The following SOX6 variants were observed in gnomAD, a reference collection of about 807,000 sequenced individuals.
SOX6 encodes the protein SRY-box transcription factor 6.
SOX6 carries 11 observed loss-of-function variants against 97.8 expected under a neutral mutation model. The ratio of observed to expected loss-of-function variants is 0.11; its 90% CI spans 0.07 to 0.19. SOX6 has a LOEUF of 0.19. Among genes scored for constraint, SOX6 ranks in the 10% least tolerant of loss-of-function variants. The pLI, the probability that SOX6 is intolerant of heterozygous loss-of-function variation, is 1.00. For missense variants in SOX6, 810 were observed against 1,039.5 expected (o/e 0.78, Z 3.04); for synonymous variants, 360 against 371.4 (o/e 0.97, Z 0.35).
At chr11:16,112,156 C>T (rs1849247422) in intron 6 of SOX6, among the ~76,000 whole-genome samples, 1 of 152,168 alleles carries the variant, frequency 6.6e-6, no homozygotes, top group Admixed American at 6.5e-5. Flanking sequence ...CCTGCTTCCA[C>T]CGAACTGTAG....
intron 3 of SOX6, among the ~76,000 whole-genome samples, chr11:16,248,780 T>C (rs889604123): frequency 6.6e-6 from 1 of 152,144 alleles, no homozygotes; most frequent in African/African-American, 2.4e-5. Flanking sequence ...TCTGGAGACA[T>C]TTTCCCCATT....
At chr11:16,498,836 T>C (rs1207633268) in intron 4 of SOX6, among the ~76,000 whole-genome samples, 1 of 152,040 alleles carries the variant, frequency 6.6e-6, no homozygotes, top group Non-Finnish European at 1.5e-5. Flanking sequence ...ACAAAGAAAC[T>C]TAGACTCCCA....
chr11:16,411,669 T>A (rs934963611), intron 1 of SOX6, among the ~76,000 whole-genome samples: 1 of 152,074 alleles, frequency 6.6e-6, no homozygotes, highest in Non-Finnish European at 1.5e-5. Flanking sequence ...AATGCAGACC[T>A]CCTAAAAGAG....
At position 16,226,006 on chromosome 11, in the gene SOX6, T is replaced by C. The variant is rs966503765; in HGVS notation, c.535+8576A>G. The stretch of plus-strand genomic sequence containing the variant: ...GCTTCCAGTCTTTAACAGTGAACTA[T>C]AATGATAGTATTTAGGTTCTATAAC... On this transcript the variant is annotated intron_variant, in intron 4 of 15. Transcript: ENST00000683767. Among the ~76,000 whole-genome samples the C allele has an allele frequency of 2.0e-5, 3 of 152,312 alleles. No individual in the cohort carries two copies. The East Asian group carries it at 5.8e-4, about 29-fold the overall frequency.
At position 16,354,578 on chromosome 11, in the gene SOX6, A is replaced by G. The variant is rs569258539; in HGVS notation, c.-5+1516T>C. Among the ~76,000 whole-genome samples the G allele has an allele frequency of 4.1e-4, 63 of 152,110 alleles. 1 individual carries two copies. In the South Asian group the frequency reaches 0.013, roughly 31 times the overall value. ...AAAGCCTACAGCATCTGCTGCTGAT[A>G]ACTGTATTCCTAAGGACAATAGAGT... On this transcript the variant is annotated intron_variant, in intron 1 of 15. Transcript: ENST00000683767.
intron 3 of SOX6, among the ~76,000 whole-genome samples, chr11:16,612,457 A>G (rs913319868): frequency 6.6e-6 from 1 of 152,164 alleles, no homozygotes; most frequent in African/African-American, 2.4e-5. Flanking sequence ...GTCTGTGGAT[A>G]AACTCATCCG....
chr11:16,460,053 GA>G (rs1401149635), intron 1 of SOX6, among the ~76,000 whole-genome samples: 7 of 151,802 alleles, frequency 4.6e-5, no homozygotes, highest in Non-Finnish European at 8.8e-5. Context: ...ATAAGGGGGG[GA>G]AAAAAGCAGC....
At chr11:16,522,685 C>A (rs1260016115) in intron 4 of SOX6, among the ~76,000 whole-genome samples, 2 of 152,112 alleles carry the variant, frequency 1.3e-5, no homozygotes, top group Non-Finnish European at 2.9e-5. Flanking sequence ...CACAGACTGG[C>A]AAGTTGGATA....
At chr11:16,014,482 A>AT (rs1436063036) in intron 13 of SOX6, among the ~76,000 whole-genome samples, 1 of 152,098 alleles carries the variant, frequency 6.6e-6, no homozygotes, top group Non-Finnish European at 1.5e-5. Flanking sequence ...AAATATTCTG[A>AT]TTTGATCATT....
At chr11:16,710,410 A>G (rs996686757) in intron 3 of SOX6, among the ~76,000 whole-genome samples, 1 of 152,312 alleles carries the variant, frequency 6.6e-6, no homozygotes, top group Admixed American at 6.5e-5. Context: ...TCATACAACT[A>G]ATAAGTGGAC....
intron 4 of SOX6, among the ~76,000 whole-genome samples, chr11:16,523,009 T>TA (rs1266647123): frequency 2.6e-5 from 4 of 152,278 alleles, no homozygotes; most frequent in Admixed American, 2.6e-4. Context: ...CAAAGAGACT[T>TA]AGACTCCCAC....
intron 3 of SOX6, among the ~76,000 whole-genome samples, chr11:16,292,362 C>G (rs140270332): frequency 3.9e-5 from 6 of 152,126 alleles, no homozygotes; most frequent in Admixed American, 2.0e-4. Flanking sequence ...AGGTGGTAAT[C>G]TGGCGCTTTG....
chr11:16,106,658 G>A (rs890563366), intron 7 of SOX6, among the ~76,000 whole-genome samples: 1 of 151,946 alleles, frequency 6.6e-6, no homozygotes, highest in Non-Finnish European at 1.5e-5. Flanking sequence ...AAACATAGTG[G>A]TAAATCTTTA....
chr11:16,195,553 G>A (rs1323423174), intron 4 of SOX6, among the ~76,000 whole-genome samples: 3 of 152,076 alleles, frequency 2.0e-5, no homozygotes, highest in Admixed American at 2.0e-4. Flanking sequence ...CAACCAAAGA[G>A]GTCAATAAAT....
chr11:16,129,946 T>C (rs1450099106), intron 6 of SOX6, among the ~76,000 whole-genome samples: 1 of 152,032 alleles, frequency 6.6e-6, no homozygotes, highest in African/African-American at 2.4e-5. Context: ...TTGTACTGGA[T>C]TTCCTCATCA....
intron 3 of SOX6, among the ~76,000 whole-genome samples, chr11:16,629,780 A>G (rs982052941): frequency 5.3e-5 from 8 of 152,216 alleles, no homozygotes; most frequent in East Asian, 1.9e-4. Context: ...TCAGAACTCA[A>G]TCTTGGTCTG....
At chr11:16,681,974 C>G (rs1847931982) in intron 3 of SOX6, among the ~76,000 whole-genome samples, 1 of 152,154 alleles carries the variant, frequency 6.6e-6, no homozygotes, top group Non-Finnish European at 1.5e-5. Flanking sequence ...TAATTAATAG[C>G]CTAACAACCA....
At chr11:16,380,082 T>C (rs1857766344) in intron 1 of SOX6, among the ~76,000 whole-genome samples, 1 of 151,882 alleles carries the variant, frequency 6.6e-6, no homozygotes, top group Non-Finnish European at 1.5e-5. Flanking sequence ...ATACAAAAAG[T>C]GTATATACCT....
At chr11:16,551,918 CAA>C (rs1284829804) in intron 4 of SOX6, among the ~76,000 whole-genome samples, 1 of 152,020 alleles carries the variant, frequency 6.6e-6, no homozygotes, top group Admixed American at 6.6e-5. Context: ...AAAATTTATT[CAA>C]AAACAAAATT....
Sources: gnomAD v4.1 joint callset for allele counts (sites outside exome capture counted in the v4.1 genomes callset) on GRCh38, gnomAD v4.1.1 for gene constraint, MANE v1.5 for transcripts, NCBI Gene and HGNC (gene_info 2026-07-23, HGNC 2026-07-21) for gene names.